The following HTR1F variants were observed in gnomAD, a reference collection of about 807,000 sequenced individuals.
HTR1F encodes the protein 5-hydroxytryptamine receptor 1F.
In HTR1F, 17 loss-of-function variants were observed where a neutral mutation model predicts 24.0. That is an observed-to-expected ratio of 0.71 (90% CI 0.48 to 1.06). The LOEUF (loss-of-function observed/expected upper bound fraction) is 1.06. Ranked by LOEUF, HTR1F falls within the 50% of genes least tolerant of loss-of-function variation. The pLI, the probability that HTR1F is intolerant of heterozygous loss-of-function variation, is 0.00. For synonymous variants in HTR1F, 186 were observed against 156.8 expected (o/e 1.19, Z -1.39); for missense variants, 391 against 427.8 (o/e 0.91, Z 0.76).
intron 2 of HTR1F, among the ~76,000 whole-genome samples, chr3:87,973,783 T>C (rs1350087400): frequency 6.6e-6 from 1 of 152,208 alleles, no homozygotes; most frequent in Non-Finnish European, 1.5e-5. Flanking sequence ...TTAACAATCA[T>C]TGCCAGGGAG....
chr3:87,971,264 A>AT (rs934043073), intron 2 of HTR1F, among the ~76,000 whole-genome samples: 37 of 152,062 alleles, frequency 2.4e-4, no homozygotes, highest in African/African-American at 8.2e-4. Flanking sequence ...TCAGTCTTTT[A>AT]TTTTTTTTAA....
At chr3:87,906,911 C>T (rs1190960329) in intron 2 of HTR1F, among the ~76,000 whole-genome samples, 1 of 151,888 alleles carries the variant, frequency 6.6e-6, no homozygotes, top group Non-Finnish European at 1.5e-5. Flanking sequence ...ATATATACAC[C>T]ACATTTTCTT....
intron 2 of HTR1F, among the ~76,000 whole-genome samples, chr3:87,898,026 A>T (rs1249476078): frequency 2.6e-5 from 4 of 152,124 alleles, no homozygotes; most frequent in Non-Finnish European, 2.9e-5. Context: ...AGATCAAAGG[A>T]TGGATGATGA....
intron 1 of HTR1F, among the ~76,000 whole-genome samples, chr3:87,794,788 G>A (rs1018775564): frequency 4.6e-5 from 7 of 152,032 alleles, no homozygotes; most frequent in African/African-American, 1.7e-4. Flanking sequence ...TTGAGCAACA[G>A]CACATTTGTA....
At chr3:87,819,107 C>T (rs567095696) in intron 1 of HTR1F, among the ~76,000 whole-genome samples, 3 of 152,282 alleles carry the variant, frequency 2.0e-5, no homozygotes, top group Middle Eastern at 3.4e-3. Context: ...ATCTCATGTG[C>T]ACACTGTTTT....
chr3:87,843,385 T>C (rs1704851731), intron 2 of HTR1F, among the ~76,000 whole-genome samples: 1 of 151,870 alleles, frequency 6.6e-6, no homozygotes, highest in African/African-American at 2.4e-5. Flanking sequence ...GAGTGCACTT[T>C]ATAATTATGT....
In HTR1F at chr3:87,955,668, A is replaced by G. The variant is rs1473191102; in HGVS notation, c.-42-35040A>G. On this transcript the variant is annotated intron_variant, in intron 2 of 2. Coordinates refer to ENST00000319595, the MANE Select transcript of HTR1F (RefSeq NM_001322209.2). ...CATTTTATATTACTATTAATAATGC[A>G]TGAAGATTCTGTATGCTCCATATTT... Among the ~76,000 whole-genome samples the G allele has an allele frequency of 4.6e-5, 7 of 151,638 alleles. No individual in the cohort carries two copies. In the East Asian group the frequency reaches 1.4e-3, roughly 29 times the overall value.
At chr3:87,948,322 A>G (rs1409247135) in intron 2 of HTR1F, among the ~76,000 whole-genome samples, 1 of 152,218 alleles carries the variant, frequency 6.6e-6, no homozygotes, top group Non-Finnish European at 1.5e-5. Context: ...GGCAGAGGTC[A>G]CTAGAATAAA....
chr3:87,950,672 T>C (rs1704814368), intron 2 of HTR1F, among the ~76,000 whole-genome samples: 1 of 152,132 alleles, frequency 6.6e-6, no homozygotes, highest in Non-Finnish European at 1.5e-5. Context: ...AAGTCATCAG[T>C]GCATTTGGTA....
intron 2 of HTR1F, among the ~76,000 whole-genome samples, chr3:87,903,810 A>T (rs919627548): frequency 6.6e-6 from 1 of 152,210 alleles, no homozygotes; most frequent in Non-Finnish European, 1.5e-5. Flanking sequence ...ATGCTGCTAT[A>T]AAGATGCATG....
At chr3:87,802,838 T>G (rs1382664141) in intron 1 of HTR1F, among the ~76,000 whole-genome samples, 1 of 152,168 alleles carries the variant, frequency 6.6e-6, no homozygotes, top group African/African-American at 2.4e-5. Flanking sequence ...TTTGAAATAA[T>G]AAGTCGCAGA....
intron 2 of HTR1F, among the ~76,000 whole-genome samples, chr3:87,825,372 T>C (rs1405796721): frequency 6.6e-6 from 1 of 152,182 alleles, no homozygotes; most frequent in Admixed American, 6.5e-5. Flanking sequence ...AAATGTGTGG[T>C]TGTAAAATCC....
chr3:87,898,356 C>A (rs1170142479), intron 2 of HTR1F, among the ~76,000 whole-genome samples: 1 of 152,064 alleles, frequency 6.6e-6, no homozygotes, highest in Non-Finnish European at 1.5e-5. Context: ...ATTATGAAAT[C>A]TCTTGAGGCC....
intron 1 of HTR1F, among the ~76,000 whole-genome samples, chr3:87,813,400 C>T (rs983578047): frequency 1.3e-5 from 2 of 152,218 alleles, no homozygotes; most frequent in African/African-American, 4.8e-5. Flanking sequence ...TATCCAATGC[C>T]TGTATCCCCA....
chr3:87,809,710 T>G (rs1704129603), intron 1 of HTR1F, among the ~76,000 whole-genome samples: 2 of 152,072 alleles, frequency 1.3e-5, no homozygotes, highest in South Asian at 2.1e-4. Context: ...TCCATTGGAC[T>G]TAACCATCTT....
intron 1 of HTR1F, among the ~76,000 whole-genome samples, chr3:87,807,442 T>C (rs959095025): frequency 3.3e-5 from 5 of 152,012 alleles, no homozygotes; most frequent in African/African-American, 9.7e-5. Context: ...TTAATTAGCA[T>C]ATAGAAATGA....
intron 2 of HTR1F, among the ~76,000 whole-genome samples, chr3:87,867,069 T>TA (rs935412337): frequency 1.3e-5 from 2 of 151,824 alleles, no homozygotes; most frequent in South Asian, 2.1e-4. Context: ...TTACAGAATT[T>TA]AAAAAATTAA....
chr3:87,941,291 G>A (rs1487521241), intron 2 of HTR1F, among the ~76,000 whole-genome samples: 1 of 152,200 alleles, frequency 6.6e-6, no homozygotes, highest in Admixed American at 6.5e-5. Context: ...AGCCTGTAAT[G>A]CCAAGGAACC....
Position 87,796,036 on chromosome 3 carries a change from CTG to C in HTR1F, c.-160+3196_-160+3197del, listed in dbSNP as rs1436321960. Among the ~76,000 whole-genome samples the C allele has an allele frequency of 7.2e-5, 11 of 152,272 alleles. No homozygotes were observed. The South Asian group carries it at 2.1e-3, about 29-fold the overall frequency. On this transcript the variant is annotated intron_variant, in intron 1 of 2. Transcript: ENST00000319595. ...GACATGAAAGCATTTCAGCAGGAAA[CTG>C]TTTCCCCAATAACTTCTTGCTATTC...
Sources: gnomAD v4.1 joint callset for allele counts (sites outside exome capture counted in the v4.1 genomes callset) on GRCh38, gnomAD v4.1.1 for gene constraint, MANE v1.5 for transcripts, NCBI Gene and HGNC (gene_info 2026-07-23, HGNC 2026-07-21) for gene names.